SGCZ: variants seen among roughly 807,000 people sequenced by gnomAD.
The protein encoded by SGCZ is sarcoglycan zeta.
SGCZ carries 40 observed loss-of-function variants against 41.3 expected under a neutral mutation model. The ratio of observed to expected loss-of-function variants is 0.97; its 90% CI spans 0.75 to 1.26. The LOEUF (loss-of-function observed/expected upper bound fraction) is 1.26. Among genes scored for constraint, SGCZ ranks in the 50% most tolerant of loss-of-function variants. The probability of loss-of-function intolerance (pLI) is 0.00; values close to 1 mark genes in which losing one functional copy is unlikely to be tolerated. For synonymous variants in SGCZ, 206 were observed against 137.5 expected (o/e 1.50, Z -3.49); for missense variants, 552 against 369.8 (o/e 1.49, Z -4.04).
At chr8:14,164,491 G>C (rs1264034442) in intron 5 of SGCZ, 89 bp downstream of exon 5, 7 of 1,493,206 alleles carry the variant, frequency 4.7e-6, no homozygotes, top group Non-Finnish European at 6.4e-6. Flanking sequence ...TTTAGGCATA[G>C]GAATCATCCA....
At chr8:14,639,904 T>C (rs996100398) in intron 1 of SGCZ, among the ~76,000 whole-genome samples, 6 of 151,676 alleles carry the variant, frequency 4.0e-5, no homozygotes, top group Non-Finnish European at 8.8e-5. Flanking sequence ...TGCAAGATAC[T>C]CTCTACTCCT....
chr8:14,206,647 A>G (rs1217195073), intron 4 of SGCZ, among the ~76,000 whole-genome samples: 2 of 152,188 alleles, frequency 1.3e-5, no homozygotes, highest in Non-Finnish European at 2.9e-5. Flanking sequence ...GATGTTCACT[A>G]GAAACAGATT....
chr8:14,453,996 A>C (rs1482895353), intron 2 of SGCZ, among the ~76,000 whole-genome samples: 5 of 152,204 alleles, frequency 3.3e-5, no homozygotes, highest in Admixed American at 3.3e-4. Context: ...TGACACAAAA[A>C]AAAAATAATT....
intron 1 of SGCZ, among the ~76,000 whole-genome samples, chr8:14,813,277 C>T (rs941453782): frequency 2.0e-5 from 3 of 151,968 alleles, no homozygotes; most frequent in East Asian, 1.9e-4. Context: ...ATTGTATTCA[C>T]GTCGTATGAA....
chr8:15,155,858 G>A (rs1237984130), intron 1 of SGCZ, among the ~76,000 whole-genome samples: 2 of 152,106 alleles, frequency 1.3e-5, no homozygotes, highest in Admixed American at 6.5e-5. Context: ...AGGAGCTCGA[G>A]ATCAGCCTGG....
Position 14,383,859 on chromosome 8 carries a change from G to A in SGCZ, c.235-59655C>T, listed in dbSNP as rs1300443658. On this transcript the variant is annotated intron_variant, in intron 2 of 7. Transcript: ENST00000382080. ...AAGAGGTTTGAGCATTATTTGGCAG[G>A]AAGAGTGGAGAAACTACAGAACTTA... Among the ~76,000 whole-genome samples, 3 of 152,236 alleles carry A rather than the reference G, an allele frequency of 2.0e-5. No homozygotes were observed. In the East Asian group the frequency reaches 5.8e-4, roughly 29 times the overall value.
chr8:14,300,577 T>C (rs1801153236), intron 3 of SGCZ, among the ~76,000 whole-genome samples: 1 of 151,936 alleles, frequency 6.6e-6, no homozygotes. Flanking sequence ...GTTATGAAGA[T>C]TAAATAGCAT....
intron 5 of SGCZ, among the ~76,000 whole-genome samples, chr8:14,157,403 C>G (rs1019180583): frequency 8.4e-5 from 12 of 142,754 alleles, no homozygotes; most frequent in Non-Finnish European, 1.7e-4. Context: ...TATGCTCAGC[C>G]CATAGAAGCA....
intron 1 of SGCZ, among the ~76,000 whole-genome samples, chr8:14,974,923 G>T (rs1030803013): frequency 2.6e-5 from 4 of 151,164 alleles, no homozygotes; most frequent in African/African-American, 9.7e-5. Context: ...TGGACCAACT[G>T]TGGGAAATTT....
intron 2 of SGCZ, among the ~76,000 whole-genome samples, chr8:14,422,684 G>C (rs1799667194): frequency 6.6e-6 from 1 of 152,216 alleles, no homozygotes; most frequent in Non-Finnish European, 1.5e-5. Context: ...GGGAGATGTA[G>C]ATGAGCTAGC....
At chr8:14,940,187 A>G (rs918584050) in intron 1 of SGCZ, among the ~76,000 whole-genome samples, 3 of 152,152 alleles carry the variant, frequency 2.0e-5, no homozygotes, top group African/African-American at 7.2e-5. Flanking sequence ...TCAGATTTAT[A>G]CCAGGCAAGA....
At chr8:15,020,345 A>G (rs910522093) in intron 1 of SGCZ, among the ~76,000 whole-genome samples, 8 of 152,310 alleles carry the variant, frequency 5.3e-5, no homozygotes, top group African/African-American at 1.9e-4. Context: ...AATTGAAGAC[A>G]TCTGTCCTAT....
chr8:14,548,593 C>G (rs558298255), intron 2 of SGCZ, among the ~76,000 whole-genome samples: 8 of 152,110 alleles, frequency 5.3e-5, no homozygotes, highest in East Asian at 1.9e-4. Flanking sequence ...AACATACACC[C>G]CTGATTTTAT....
intron 1 of SGCZ, among the ~76,000 whole-genome samples, chr8:15,054,764 C>T (rs932781318): frequency 6.6e-6 from 1 of 151,476 alleles, no homozygotes; most frequent in Non-Finnish European, 1.5e-5. Flanking sequence ...ACCATCCTGG[C>T]TAACACGGTG....
chr8:15,052,532 C>T (rs956189163), intron 1 of SGCZ, among the ~76,000 whole-genome samples: 17 of 151,990 alleles, frequency 1.1e-4, no homozygotes, highest in African/African-American at 3.6e-4. Flanking sequence ...CTGTGGGCTT[C>T]GTTCTAACGC....
At chr8:14,753,782 C>T (rs760359079) in intron 1 of SGCZ, among the ~76,000 whole-genome samples, 1 of 152,184 alleles carries the variant, frequency 6.6e-6, no homozygotes, top group Non-Finnish European at 1.5e-5. Flanking sequence ...CCATACATGA[C>T]AGCCAAATCT....
At chr8:14,741,994 A>T (rs1799004845) in intron 1 of SGCZ, among the ~76,000 whole-genome samples, 1 of 152,106 alleles carries the variant, frequency 6.6e-6, no homozygotes, top group Non-Finnish European at 1.5e-5. Context: ...TTGACAATAA[A>T]GCATAATTAT....
At chr8:14,958,961 G>A (rs543328953) in intron 1 of SGCZ, among the ~76,000 whole-genome samples, 2 of 152,128 alleles carry the variant, frequency 1.3e-5, no homozygotes, top group Admixed American at 6.5e-5. Flanking sequence ...CTTTCTGTAT[G>A]TTTGAAAGTT....
chr8:14,877,205 A>G (rs1002349260), intron 1 of SGCZ, among the ~76,000 whole-genome samples: 1 of 152,024 alleles, frequency 6.6e-6, no homozygotes, highest in African/African-American at 2.4e-5. Context: ...ATCTCCTGAC[A>G]TCATGATCCG....
Sources: gnomAD v4.1 joint callset for allele counts (sites outside exome capture counted in the v4.1 genomes callset) on GRCh38, gnomAD v4.1.1 for gene constraint, MANE v1.5 for transcripts, NCBI Gene and HGNC (gene_info 2026-07-23, HGNC 2026-07-21) for gene names.